ALCAM: variants seen among roughly 807,000 people sequenced by gnomAD.
ALCAM encodes the protein CD166 antigen.
A neutral mutation model predicts 70.9 loss-of-function variants in ALCAM; 30 were observed. The ratio of observed to expected loss-of-function variants is 0.42; its 90% CI spans 0.32 to 0.57. ALCAM has a LOEUF of 0.57. Ranked by LOEUF, ALCAM falls within the 20% of genes least tolerant of loss-of-function variation. The pLI is 0.11. For missense variants in ALCAM, 591 were observed against 695.1 expected (o/e 0.85, Z 1.68); for synonymous variants, 249 against 242.5 (o/e 1.03, Z -0.25).
At chr3:105,516,158 C>G (rs1226644311) in intron 1 of ALCAM, among the ~76,000 whole-genome samples, 1 of 151,708 alleles carries the variant, frequency 6.6e-6, no homozygotes, top group Admixed American at 6.6e-5. Context: ...TGATGTTCTT[C>G]TGCTTGAAAT....
intron 1 of ALCAM, among the ~76,000 whole-genome samples, chr3:105,448,968 CTT>C (rs1012277317): frequency 4.3e-4 from 66 of 152,208 alleles, no homozygotes; most frequent in African/African-American, 1.5e-3. Context: ...CTTTTAGGCT[CTT>C]TGAATTTATC....
rs1553733021 is a variant in ALCAM at position 105,532,073 on chromosome 3, A to AT, written c.459+9dup. ...AACAGAGCAGCTAAAAAAGGTAAGA[A>AT]TTGTTTTTGATTAATACCTTTATTT... On this transcript the variant is annotated splice_region_variant and intron_variant, in intron 4 of 15. Coordinates refer to ENST00000306107, the MANE Select transcript of ALCAM (RefSeq NM_001627.4). The AT allele has an allele frequency of 1.3e-5, 21 of 1,610,300 alleles. No homozygotes were observed. Among genetic ancestry groups the AT allele is most frequent in the Non-Finnish European group, 1.7e-5 (20 of 1,177,096 alleles).
intron 1 of ALCAM, among the ~76,000 whole-genome samples, chr3:105,429,972 T>A (rs1489121982): frequency 1.3e-5 from 2 of 151,932 alleles, no homozygotes; most frequent in Non-Finnish European, 2.9e-5. Context: ...AACAAATTAA[T>A]AATACATAAA....
intron 1 of ALCAM, among the ~76,000 whole-genome samples, chr3:105,380,104 C>T (rs1483045028): frequency 6.6e-6 from 1 of 151,766 alleles, no homozygotes; most frequent in Non-Finnish European, 1.5e-5. Flanking sequence ...TTTAAAATTA[C>T]TCTGCCTAGA....
chr3:105,391,653 C>G (rs1346054063), intron 1 of ALCAM, among the ~76,000 whole-genome samples: 1 of 151,988 alleles, frequency 6.6e-6, no homozygotes, highest in Non-Finnish European at 1.5e-5. Context: ...AGAGGGCATC[C>G]TTATATTGTG....
chr3:105,456,794 T>G (rs2152594987), intron 1 of ALCAM, among the ~76,000 whole-genome samples: 1 of 152,264 alleles, frequency 6.6e-6, no homozygotes, highest in Non-Finnish European at 1.5e-5. Flanking sequence ...GCATAAGAGC[T>G]TCTGCGTATA....
intron 1 of ALCAM, among the ~76,000 whole-genome samples, chr3:105,425,210 A>G (rs557316674): frequency 2.6e-5 from 4 of 151,812 alleles, no homozygotes. Context: ...TTCTTTTAGC[A>G]TAAGTGTGAG....
At chr3:105,572,974 T>G (rs73175483) in intron 15 of ALCAM, among the ~76,000 whole-genome samples, 18,219 of 152,262 alleles carry the variant, frequency 0.12, 1,452 homozygotes, top group Non-Finnish European at 0.18. Flanking sequence ...AAGAACAGAT[T>G]CTAATACCTT....
In ALCAM at chr3:105,575,230, A is replaced by G. The variant is rs991433866; in HGVS notation, c.*779A>G. ...TAATAAATTATTTTCTGTCAAAAGA[A>G]AAAACACAAGCATGTGTGAGAGACA... is the stretch of plus-strand genomic sequence containing the variant. On this transcript the variant is annotated 3_prime_UTR_variant, in exon 16 of 16. Coordinates refer to ENST00000306107, the MANE Select transcript of ALCAM (RefSeq NM_001627.4). 1 of 152,656 alleles carries G rather than the reference A, an allele frequency of 6.6e-6. No homozygotes were observed. The highest frequency in any genetic ancestry group is 2.4e-5 in the African/African-American group (1 of 41,458). The allele number at this position is 152,656 out of a possible 1,614,324, so 9.5% of individuals were successfully genotyped here.
chr3:105,408,695 T>C (rs1936310644), intron 1 of ALCAM, among the ~76,000 whole-genome samples: 1 of 151,812 alleles, frequency 6.6e-6, no homozygotes, highest in Non-Finnish European at 1.5e-5. Context: ...CAAAGGTAAA[T>C]AGTTGGTACT....
intron 1 of ALCAM, among the ~76,000 whole-genome samples, chr3:105,514,512 T>A (rs1195862519): frequency 6.6e-6 from 1 of 152,028 alleles, no homozygotes. Flanking sequence ...AGTGTATTTT[T>A]AAAACTTTAT....
chr3:105,499,959 G>GT (rs2152615515), intron 1 of ALCAM, among the ~76,000 whole-genome samples: 1 of 152,160 alleles, frequency 6.6e-6, no homozygotes, highest in East Asian at 1.9e-4. Context: ...AGCCTTTAAT[G>GT]TAATATCTGC....
At chr3:105,472,555 G>C (rs966483827) in intron 1 of ALCAM, among the ~76,000 whole-genome samples, 1 of 151,410 alleles carries the variant, frequency 6.6e-6, no homozygotes, top group Non-Finnish European at 1.5e-5. Context: ...CTCTTATTCT[G>C]TCTAGAACAA....
intron 6 of ALCAM, among the ~76,000 whole-genome samples, chr3:105,535,351 G>T (rs756887545): frequency 7.2e-5 from 11 of 152,126 alleles, no homozygotes; most frequent in Non-Finnish European, 1.3e-4. Context: ...ATTTTAGTTA[G>T]TAAAGTGAGG....
chr3:105,414,130 G>C (rs149605133), intron 1 of ALCAM, among the ~76,000 whole-genome samples: 2 of 152,090 alleles, frequency 1.3e-5, no homozygotes, highest in East Asian at 3.9e-4. Flanking sequence ...CGAGTGCAGT[G>C]GCTCATACCT....
At chr3:105,522,859 G>T (rs1217568950) in intron 2 of ALCAM, among the ~76,000 whole-genome samples, 1 of 152,054 alleles carries the variant, frequency 6.6e-6, no homozygotes, top group Non-Finnish European at 1.5e-5. Flanking sequence ...CCCAAAGAAG[G>T]CCGGGCACGG....
chr3:105,546,757 C>A (rs1940258014), intron 9 of ALCAM, among the ~76,000 whole-genome samples: 1 of 151,356 alleles, frequency 6.6e-6, no homozygotes, highest in African/African-American at 2.4e-5. Context: ...GAAAAAATAT[C>A]CTAATGGACA....
chr3:105,474,110 T>C (rs765414351), intron 1 of ALCAM, among the ~76,000 whole-genome samples: 10 of 151,156 alleles, frequency 6.6e-5, no homozygotes, highest in Non-Finnish European at 1.3e-4. Context: ...TCTCAGTAAT[T>C]GGGAAAGTAT....
At chr3:105,372,024 T>G (rs1015292825) in intron 1 of ALCAM, among the ~76,000 whole-genome samples, 2 of 152,116 alleles carry the variant, frequency 1.3e-5, no homozygotes, top group Admixed American at 6.5e-5. Flanking sequence ...GTTTCTTGGG[T>G]GTGGTGGGTG....
Sources: gnomAD v4.1 joint callset for allele counts (sites outside exome capture counted in the v4.1 genomes callset) on GRCh38, gnomAD v4.1.1 for gene constraint, MANE v1.5 for transcripts, NCBI Gene and HGNC (gene_info 2026-07-23, HGNC 2026-07-21) for gene names.